The following RBFOX1 variants were observed in gnomAD, a reference collection of about 807,000 sequenced individuals.
The protein encoded by RBFOX1 is RNA binding fox-1 homolog 1.
A neutral mutation model predicts 57.7 loss-of-function variants in RBFOX1; 8 were observed. That is an observed-to-expected ratio of 0.14 (90% CI 0.08 to 0.25). RBFOX1 has a LOEUF of 0.25. RBFOX1 is among the 10% of genes least tolerant of loss of function. The pLI, the probability that RBFOX1 is intolerant of heterozygous loss-of-function variation, is 1.00. For synonymous variants in RBFOX1, 326 were observed against 222.4 expected (o/e 1.47, Z -4.15); for missense variants, 611 against 548.5 (o/e 1.11, Z -1.14).
At chr16:6,936,246 G>C (rs2077347580) in intron 3 of RBFOX1, among the ~76,000 whole-genome samples, 1 of 152,172 alleles carries the variant, frequency 6.6e-6, no homozygotes, top group African/African-American at 2.4e-5. Flanking sequence ...AGGGATGCTG[G>C]ATATTAAGCC....
At chr16:7,224,597 G>T (rs183201788) in intron 4 of RBFOX1, among the ~76,000 whole-genome samples, 1 of 152,148 alleles carries the variant, frequency 6.6e-6, no homozygotes, top group Non-Finnish European at 1.5e-5. Context: ...TCAGTTGGGC[G>T]TGTAGTGGGG....
At chr16:7,010,376 A>G (rs1338722352) in intron 3 of RBFOX1, among the ~76,000 whole-genome samples, 1 of 152,176 alleles carries the variant, frequency 6.6e-6, no homozygotes, top group Non-Finnish European at 1.5e-5. Flanking sequence ...CTCTTACGCT[A>G]GGACACACAC....
At chr16:7,207,267 C>T (rs776515619) in intron 4 of RBFOX1, among the ~76,000 whole-genome samples, 4 of 152,148 alleles carry the variant, frequency 2.6e-5, no homozygotes, top group Non-Finnish European at 4.4e-5. Flanking sequence ...CCTCTGGTCA[C>T]GTTCCGGCCC....
At chr16:7,659,973 C>A (rs1250161509) in intron 12 of RBFOX1, among the ~76,000 whole-genome samples, 1 of 152,116 alleles carries the variant, frequency 6.6e-6, no homozygotes, top group East Asian at 1.9e-4. Context: ...TTTCTGATCC[C>A]CCCAATATCC....
intron 3 of RBFOX1, among the ~76,000 whole-genome samples, chr16:6,957,842 T>G (rs2082188972): frequency 6.6e-6 from 1 of 152,170 alleles, no homozygotes; most frequent in Non-Finnish European, 1.5e-5. Context: ...GTAGTTAGCC[T>G]GGACTTCCTC....
intron 4 of RBFOX1, among the ~76,000 whole-genome samples, chr16:5,939,780 G>T (rs2059243479): frequency 6.6e-6 from 1 of 152,114 alleles, no homozygotes; most frequent in South Asian, 2.1e-4. Flanking sequence ...ATAGATAATT[G>T]AAATGTTTAA....
Position 6,801,027 on chromosome 16 carries a change from C to G in RBFOX1, c.-16+146377C>G, listed in dbSNP as rs553979825. Among the ~76,000 whole-genome samples the G allele has an allele frequency of 2.6e-5, 4 of 152,076 alleles. No homozygotes were observed. The South Asian group carries it at 8.3e-4, about 32-fold the overall frequency. The stretch of plus-strand genomic sequence containing the variant: ...ATGAAAAAGTGAGAATCATTTAATT[C>G]AATGATACTTAAACTTGAACATGCA... On this transcript the variant is annotated intron_variant, in intron 3 of 15. Transcript: ENST00000550418.
intron 3 of RBFOX1, among the ~76,000 whole-genome samples, chr16:6,767,947 T>TAATAATAATAAAG (rs1410744665): frequency 3.0e-4 from 30 of 101,048 alleles, no homozygotes; most frequent in Admixed American, 6.2e-4. Flanking sequence ...ATAATAATAA[T>TAATAATAATAAAG]AAGAAGAAGA....
intron 3 of RBFOX1, among the ~76,000 whole-genome samples, chr16:6,978,683 C>G (rs9935501): frequency 2.0e-5 from 3 of 152,140 alleles, no homozygotes; most frequent in Admixed American, 6.6e-5. Context: ...GACTTGGAAG[C>G]TGAGGTTTTG....
At chr16:5,602,139 C>T (rs1414094000), downstream of RBFOX1, among the ~76,000 whole-genome samples, 1 of 152,250 alleles carries the variant, frequency 6.6e-6, no homozygotes, top group East Asian at 1.9e-4. Context: ...AGCTTCCTGT[C>T]TTGCCTTGGA....
chr16:6,051,780 T>A (rs2095554662), intron 1 of RBFOX1, among the ~76,000 whole-genome samples: 1 of 152,206 alleles, frequency 6.6e-6, no homozygotes, highest in Non-Finnish European at 1.5e-5. Flanking sequence ...GTCAGGCTGA[T>A]CTTGAACCCC....
intron 4 of RBFOX1, among the ~76,000 whole-genome samples, chr16:7,176,457 C>G (rs773784560): frequency 1.3e-5 from 2 of 151,860 alleles, no homozygotes; most frequent in African/African-American, 4.8e-5. Flanking sequence ...ATTATGTGTA[C>G]GAGGTATCTA....
chr16:7,572,539 C>T (rs1006134749), intron 5 of RBFOX1, among the ~76,000 whole-genome samples: 1 of 152,052 alleles, frequency 6.6e-6, no homozygotes, highest in Non-Finnish European at 1.5e-5. Context: ...GGATGATCCA[C>T]CCATCAAAAA....
intron 4 of RBFOX1, among the ~76,000 whole-genome samples, chr16:7,454,555 C>G (rs1430152819): frequency 6.6e-6 from 1 of 152,114 alleles, no homozygotes; most frequent in African/African-American, 2.4e-5. Context: ...AAACTGAAGC[C>G]ACCTGTTGGG....
intron 3 of RBFOX1, among the ~76,000 whole-genome samples, chr16:6,980,023 A>G (rs148057000): frequency 3.3e-4 from 50 of 151,566 alleles, no homozygotes; most frequent in African/African-American, 1.1e-3. Context: ...TGGTGTCATT[A>G]TAGTGTTAAC....
chr16:7,058,122 A>C (rs77703033), intron 4 of RBFOX1, among the ~76,000 whole-genome samples: 2,925 of 152,146 alleles, frequency 0.019, 92 homozygotes, highest in African/African-American at 0.066. Context: ...ACCAACTGCT[A>C]GCTCTGTATT....
intron 1 of RBFOX1, chr16:5,366,825 A>G: frequency 4.1e-6 from 1 of 243,692 alleles, no homozygotes; most frequent in Admixed American, 5.7e-5. Flanking sequence ...TCCAGGTTTC[A>G]TTGCCAAGAA....
intron 1 of RBFOX1, among the ~76,000 whole-genome samples, chr16:5,242,626 C>A (rs539547892): frequency 1.3e-5 from 2 of 152,108 alleles, no homozygotes; most frequent in African/African-American, 4.8e-5. Context: ...AACAGAGTGC[C>A]CTTTTATGAG....
chr16:6,078,774 C>A (rs2095951612), intron 1 of RBFOX1, among the ~76,000 whole-genome samples: 1 of 152,190 alleles, frequency 6.6e-6, no homozygotes, highest in South Asian at 2.1e-4. Context: ...TTGCTTTTGT[C>A]ATCCTTTCCC....
Sources: allele counts gnomAD v4.1 joint callset (sites outside exome capture counted in the v4.1 genomes callset), GRCh38; gene constraint gnomAD v4.1.1; transcripts MANE v1.5; gene names NCBI Gene and HGNC (gene_info 2026-07-23, HGNC 2026-07-21).